Variants in BPHL observed in about 807,000 individuals in gnomAD.
BPHL encodes serine hydrolase BPHL.
A neutral mutation model predicts 31.2 loss-of-function variants in BPHL; 27 were observed. The ratio of observed to expected loss-of-function variants is 0.87; its 90% CI spans 0.64 to 1.19. The LOEUF (loss-of-function observed/expected upper bound fraction) is 1.19, where lower values mean the gene tolerates loss of function less well. Among genes scored for constraint, BPHL ranks in the 50% most tolerant of loss-of-function variants. The pLI is 0.00. For synonymous variants in BPHL, 150 were observed against 146.8 expected, an observed-to-expected ratio of 1.02 and a Z score of -0.16; for missense variants, 356 against 375.7, an observed-to-expected ratio of 0.95 and a Z score of 0.43.
At chr6:3,130,771 C>T (rs561090117) in intron 4 of BPHL, among the ~76,000 whole-genome samples, 6 of 152,340 alleles carry the variant, frequency 3.9e-5, no homozygotes, top group South Asian at 4.1e-4. Context: ...CGACAATTCA[C>T]GTGACTTTTA....
At chr6:3,141,263 G>A (rs1364965590) in intron 6 of BPHL, among the ~76,000 whole-genome samples, 1 of 152,178 alleles carries the variant, frequency 6.6e-6, no homozygotes, top group Non-Finnish European at 1.5e-5. Flanking sequence ...ATACACATGA[G>A]CCTGTATAAC....
chr6:3,140,822 C>T lies in BPHL; in HGVS notation c.788+313C>T, dbSNP rs6936244. Among the ~76,000 whole-genome samples the T allele has an allele frequency of 0.15, 22,674 of 152,108 alleles. 3,104 individuals carry two copies. The highest frequency in any genetic ancestry group is 0.36 in the African/African-American group (14,984 of 41,442). On this transcript the variant is annotated intron_variant, in intron 6 of 6. Transcript: ENST00000380379. The surrounding 1 kb of genome is among the most constrained non-coding windows in gnomAD (Gnocchi z 5.2). ...TAGATTTATTTCCATCAGTATTAAC[C>T]GAAACAGTTTCACACAATTTGGGAA...
At chr6:3,131,578 A>C (rs762513202) in intron 4 of BPHL, among the ~76,000 whole-genome samples, 2 of 152,196 alleles carry the variant, frequency 1.3e-5, no homozygotes, top group African/African-American at 4.8e-5. Flanking sequence ...CAAAAATCTA[A>C]TCACTTAATT....
At chr6:3,127,153 C>A in intron 2 of BPHL, 89 bp from the exon 3 acceptor site, 1 of 933,136 alleles carries the variant, frequency 1.1e-6, no homozygotes, top group Non-Finnish European at 1.5e-6. Context: ...AACTACTTTG[C>A]TTTTAAGATT....
In BPHL at chr6:3,129,109, C is replaced by G; in HGVS notation, c.443C>G (p.Ala148Gly). The change falls in exon 4 of 7, where the codon GCT (alanine) becomes GGT (glycine). Residue 148 changes from alanine (A) to glycine (G), a missense_variant. Physicochemically the swap from Ala to Gly is moderately conservative, Grantham distance 60. Coordinates refer to ENST00000380379, the MANE Select transcript of BPHL (RefSeq NM_004332.4). Reference protein sequence around the residue: ...WSDGGITALIAAAKYPSYIHK... With the variant: ...WSDGGITALIGAAKYPSYIHK... ...GATGGGGGCATAACCGCACTCATTG[C>G]TGCTGCAAAATATCCATCTTACATC... 3.7e-6 allele frequency: 6 copies of G among 1,613,684 alleles called. No homozygotes were observed. In the South Asian group the frequency reaches 5.5e-5, roughly 15 times the overall value.
intron 4 of BPHL, among the ~76,000 whole-genome samples, chr6:3,132,489 T>G (rs917785253): frequency 1.3e-5 from 2 of 152,058 alleles, no homozygotes; most frequent in African/African-American, 4.8e-5. Context: ...AGCTCCTTGC[T>G]CCACCTAACT....
intron 6 of BPHL, among the ~76,000 whole-genome samples, chr6:3,145,969 CG>C (rs1452381869): frequency 4.3e-5 from 2 of 46,524 alleles, no homozygotes; most frequent in African/African-American, 8.7e-5. Context: ...TGGTTTGGGT[CG>C]GAGTGCTGGT....
chr6:3,137,939 A>G (rs1359651046), intron 5 of BPHL: 1 of 1,221,504 alleles, frequency 8.2e-7, no homozygotes, highest in Non-Finnish European at 1.1e-6. Context: ...CAACGGAATT[A>G]ATATGAGGAA....
At position 3,140,712 on chromosome 6, in the gene BPHL, A is replaced by C. The variant is rs111993367; in HGVS notation, c.788+203A>C. Among the ~76,000 whole-genome samples, 1 of 152,330 alleles carries C rather than the reference A, an allele frequency of 6.6e-6. No individual in the cohort carries two copies. Among genetic ancestry groups the C allele is most frequent in the African/African-American group, 2.4e-5 (1 of 41,576 alleles). On this transcript the variant is annotated intron_variant, in intron 6 of 6. Coordinates refer to ENST00000380379, the MANE Select transcript of BPHL (RefSeq NM_004332.4). This position sits in a 1 kb window ranked among gnomAD's most constrained non-coding sequence, Gnocchi z 5.2. ...CTGTGGGTGACTGATAACCAGAAGG[A>C]AAGGCATGTTCAGATAGACAGCTCT... is the stretch of plus-strand genomic sequence containing the variant.
intron 1 of BPHL, chr6:3,119,200 C>A: frequency 7.8e-7 from 1 of 1,279,744 alleles, no homozygotes; most frequent in Non-Finnish European, 1.1e-6. Context: ...GGACTAGAAT[C>A]CCAACGCCCT....
intron 6 of BPHL, among the ~76,000 whole-genome samples, chr6:3,151,465 C>G (rs929045078): frequency 3.3e-5 from 5 of 152,298 alleles, no homozygotes; most frequent in African/African-American, 1.2e-4. Context: ...TTCCCACCCC[C>G]AATGTGGTGG....
intron 4 of BPHL, among the ~76,000 whole-genome samples, chr6:3,131,293 C>G (rs1399605095): frequency 1.3e-5 from 2 of 152,100 alleles, no homozygotes; most frequent in Non-Finnish European, 2.9e-5. Flanking sequence ...CTGACCCCTG[C>G]CCACTTGTTC....
intron 4 of BPHL, among the ~76,000 whole-genome samples, chr6:3,133,247 T>C (rs77638044): frequency 0.089 from 13,587 of 152,010 alleles, 1,567 homozygotes; most frequent in African/African-American, 0.26. Context: ...TCTCTTCTGC[T>C]GGGCTCTGAG....
At chr6:3,128,608 C>T (rs1266886255) in intron 3 of BPHL, among the ~76,000 whole-genome samples, 2 of 152,228 alleles carry the variant, frequency 1.3e-5, no homozygotes, top group African/African-American at 4.8e-5. Flanking sequence ...CCCACAGTTG[C>T]TTTACCAGAT....
At chr6:3,128,251 T>G (rs1033684737) in intron 3 of BPHL, among the ~76,000 whole-genome samples, 1 of 152,198 alleles carries the variant, frequency 6.6e-6, no homozygotes, top group Non-Finnish European at 1.5e-5. Flanking sequence ...ATAAACAGTA[T>G]TGTTGTGGAC....
At chr6:3,146,309 G>C (rs1349136612) in intron 6 of BPHL, among the ~76,000 whole-genome samples, 941 of 59,314 alleles carry the variant, frequency 0.016, 84 homozygotes, top group African/African-American at 0.03. Flanking sequence ...GGTTCGGGTT[G>C]GAGTGCTGGT....
intron 4 of BPHL, among the ~76,000 whole-genome samples, chr6:3,133,073 A>G (rs374812742): frequency 2.6e-5 from 4 of 152,170 alleles, no homozygotes; most frequent in African/African-American, 9.7e-5. Flanking sequence ...TTTAATTACT[A>G]TTTATTGAGT....
chr6:3,118,997 A>G (rs1040215856), intron 1 of BPHL, 150 bp downstream of exon 1: 3 of 701,794 alleles, frequency 4.3e-6, no homozygotes, highest in Non-Finnish European at 6.1e-6. Context: ...GTGCCGCGAG[A>G]CCCCGATCCT....
chr6:3,128,526 C>T (rs986387367), intron 3 of BPHL, among the ~76,000 whole-genome samples: 1 of 152,226 alleles, frequency 6.6e-6, no homozygotes, highest in Non-Finnish European at 1.5e-5. Context: ...CAGACCCTCT[C>T]TGATTCACCC....
Sources: allele counts gnomAD v4.1 joint callset (sites outside exome capture counted in the v4.1 genomes callset), GRCh38; gene constraint gnomAD v4.1.1; non-coding constraint Gnocchi (gnomAD v3.1); transcripts MANE v1.5; gene names NCBI Gene and HGNC (gene_info 2026-07-23, HGNC 2026-07-21).